Variants in MINDY4 observed in about 807,000 individuals in gnomAD.
The protein encoded by MINDY4 is probable ubiquitin carboxyl-terminal hydrolase MINDY-4.
In MINDY4, 68 loss-of-function variants were observed where a neutral mutation model predicts 87.0. The ratio of observed to expected loss-of-function variants is 0.78; its 90% CI spans 0.64 to 0.96. MINDY4 has a LOEUF of 0.96. Among genes scored for constraint, MINDY4 ranks in the 40% least tolerant of loss-of-function variants. The pLI is 0.00. For missense variants in MINDY4, 919 were observed against 928.2 expected (o/e 0.99, Z 0.13); for synonymous variants, 379 against 363.2 (o/e 1.04, Z -0.50).
chr7:30,885,775 A>G (rs959045554), intron 17 of MINDY4, among the ~76,000 whole-genome samples: 6 of 137,530 alleles, frequency 4.4e-5, no homozygotes, highest in African/African-American at 8.5e-5. Context: ...CTGGCCCGCC[A>G]TAGGCACTGG....
In MINDY4 at chr7:30,866,952, TCTC is replaced by T. The variant is rs375415605; in HGVS notation, c.1746-5287_1746-5285del. Among the ~76,000 whole-genome samples, 642 of 152,288 alleles carry T rather than the reference TCTC, an allele frequency of 4.2e-3. 5 individuals carry two copies. Among genetic ancestry groups the T allele is most frequent in the African/African-American group, 0.015 (607 of 41,560 alleles). ...GCCTCCTGGGCTCCCATCCTAGCCC[TCTC>T]CTCTTACTGCTTTGAGAATGGAAAC... On this transcript the variant is annotated intron_variant, in intron 13 of 17. Transcript: ENST00000265299.
chr7:30,817,346 C>A (rs1788183079), intron 5 of MINDY4, among the ~76,000 whole-genome samples: 1 of 148,170 alleles, frequency 6.7e-6, no homozygotes, highest in African/African-American at 2.5e-5. Flanking sequence ...GCTTTTCTTC[C>A]ATGGAGAACT....
At position 30,802,172 on chromosome 7, in the gene MINDY4, C is replaced by A. The variant is rs186936584; in HGVS notation, c.1073+10598C>A. ...TGCTGCTCTGTTAGCTATGTTCCAG[C>A]AGTTCCTGGCTACCAGAATCCCATA... On this transcript the variant is annotated intron_variant, in intron 5 of 17. Coordinates refer to ENST00000265299, the MANE Select transcript of MINDY4 (RefSeq NM_032222.3). 6.3e-4 allele frequency among the ~76,000 whole-genome samples: 96 copies of A among 152,030 alleles called. 1 individual carries two copies. The East Asian group carries it at 0.014, about 23-fold the overall frequency.
chr7:30,824,085 C>T (rs1455030670), intron 5 of MINDY4, among the ~76,000 whole-genome samples: 1 of 152,146 alleles, frequency 6.6e-6, no homozygotes, highest in African/African-American at 2.4e-5. Context: ...TAGCATATAA[C>T]AGAAAACCTG....
intron 3 of MINDY4, among the ~76,000 whole-genome samples, chr7:30,784,059 C>T (rs1250362947): frequency 3.9e-5 from 6 of 152,092 alleles, no homozygotes; most frequent in South Asian, 2.1e-4. Flanking sequence ...TCCTGAGGGT[C>T]GCTGAAGCTC....
At chr7:30,836,531 C>G (rs551455230) in intron 6 of MINDY4, 127 bp from the exon 7 acceptor site, 1 of 759,506 alleles carries the variant, frequency 1.3e-6, no homozygotes, top group African/African-American at 1.7e-5. Context: ...TGAATGAATG[C>G]GGGGAGGAAC....
intron 15 of MINDY4, among the ~76,000 whole-genome samples, chr7:30,880,087 C>G (rs929027392): frequency 1.3e-5 from 2 of 152,184 alleles, no homozygotes; most frequent in African/African-American, 4.8e-5. Flanking sequence ...AGCACTATGT[C>G]CCCATTGCTG....
chr7:30,868,229 G>C (rs1172001093), intron 13 of MINDY4, among the ~76,000 whole-genome samples: 1 of 152,174 alleles, frequency 6.6e-6, no homozygotes, highest in African/African-American at 2.4e-5. Context: ...CTTGGAGCTG[G>C]CTGACCTGGC....
At chr7:30,861,130 C>T (rs1789750712) in intron 13 of MINDY4, among the ~76,000 whole-genome samples, 1 of 152,188 alleles carries the variant, frequency 6.6e-6, no homozygotes, top group Non-Finnish European at 1.5e-5. Context: ...GTCAAGGCCC[C>T]TGGGGCAGTA....
chr7:30,813,224 G>A (rs369560432), intron 5 of MINDY4, among the ~76,000 whole-genome samples: 15 of 152,186 alleles, frequency 9.9e-5, no homozygotes, highest in Admixed American at 6.5e-4. Context: ...AAGATTCATC[G>A]TCAGGAGAAA....
rs573409572 is a variant in MINDY4, at chr7:30,883,371, A to T, written c.2225+378A>T. ...TGAGGGTGGGGGAGGCTTGAGCAGG[A>T]TAGGAAGCTGGGAGGCCTGGCCCAG... On this transcript the variant is annotated intron_variant, in intron 17 of 17. Coordinates refer to ENST00000265299, the MANE Select transcript of MINDY4 (RefSeq NM_032222.3). Among the ~76,000 whole-genome samples the T allele has an allele frequency of 1.9e-3, 295 of 152,246 alleles. 1 individual carries two copies. The highest frequency in any genetic ancestry group is 6.8e-3 in the African/African-American group (283 of 41,548).
intron 17 of MINDY4, among the ~76,000 whole-genome samples, chr7:30,891,148 T>G (rs1001172269): frequency 6.6e-5 from 10 of 152,232 alleles, no homozygotes; most frequent in Admixed American, 1.3e-4. Flanking sequence ...ATTCAACATC[T>G]GTTTCCTAGT....
At position 30,875,528 on chromosome 7, in the gene MINDY4, G is replaced by A. The variant is rs200226382; in HGVS notation, c.1843G>A (p.Val615Met). 52 of 1,614,138 alleles carry A rather than the reference G, an allele frequency of 3.2e-5. No homozygotes were observed. The highest frequency in any genetic ancestry group is 3.9e-5 in the Non-Finnish European group (46 of 1,180,062). ...LVNLLLTGKA[V>M]SNVFNDVVEL... ...CAATCTGCTCCTGACTGGGAAAGCT[G>A]TGTCCAACGTTTTCAACGATGTGGT... is the stretch of plus-strand genomic sequence containing the variant. Residue 615 changes from valine (V) to methionine (M), a missense_variant, in exon 15 of 18, where the codon GTG becomes ATG. Coordinates refer to ENST00000265299, the MANE Select transcript of MINDY4 (RefSeq NM_032222.3).
rs988792128 is a variant in MINDY4, at chr7:30,854,355, T to C, written c.1677+896T>C. Among the ~76,000 whole-genome samples the C allele has an allele frequency of 4.6e-5, 7 of 152,294 alleles. 1 individual carries two copies. The highest frequency in any genetic ancestry group is 3.4e-3 in the Middle Eastern group (1 of 294). ...GTTCTCAGTAGTTGTTAGCTTCTGT[T>C]GTTGACATTAGGATTGCCATTGTAA... On this transcript the variant is annotated intron_variant, in intron 12 of 17. Transcript: ENST00000265299.
chr7:30,854,402 G>C (rs62449097), intron 12 of MINDY4, among the ~76,000 whole-genome samples: 8,281 of 152,250 alleles, frequency 0.054, 350 homozygotes, highest in Middle Eastern at 0.075. Flanking sequence ...GGGCAGCCTT[G>C]AGATGGGTTC....
At chr7:30,806,779 G>A (rs1787818993) in intron 5 of MINDY4, among the ~76,000 whole-genome samples, 1 of 152,230 alleles carries the variant, frequency 6.6e-6, no homozygotes, top group African/African-American at 2.4e-5. Context: ...TGAAAGCTCT[G>A]GAGGGTGAGG....
chr7:30,812,746 C>T (rs1304631994), intron 5 of MINDY4, among the ~76,000 whole-genome samples: 1 of 152,108 alleles, frequency 6.6e-6, no homozygotes, highest in South Asian at 2.1e-4. Context: ...AGCTGATTCC[C>T]ACCCCCCTTT....
intron 5 of MINDY4, chr7:30,803,001 A>G (rs2128171399): frequency 2.0e-5 from 3 of 152,322 alleles, no homozygotes; most frequent in Admixed American, 2.0e-4. Context: ...GTCAACCAAC[A>G]AACTATCCAA....
intron 6 of MINDY4, among the ~76,000 whole-genome samples, chr7:30,829,871 A>G (rs965005222): frequency 2.0e-5 from 3 of 152,328 alleles, no homozygotes; most frequent in Non-Finnish European, 2.9e-5. Flanking sequence ...GAGAACTTCT[A>G]CTGGAAGGAA....
Sources: gnomAD v4.1 joint callset for allele counts (sites outside exome capture counted in the v4.1 genomes callset) on GRCh38, gnomAD v4.1.1 for gene constraint, MANE v1.5 for transcripts, NCBI Gene and HGNC (gene_info 2026-07-23, HGNC 2026-07-21) for gene names.